Variants in SLC9A1 observed in about 807,000 individuals in gnomAD.
SLC9A1 encodes the protein sodium/hydrogen exchanger 1.
A neutral mutation model predicts 67.9 loss-of-function variants in SLC9A1; 22 were observed. The ratio of observed to expected loss-of-function variants is 0.32; its 90% CI spans 0.23 to 0.46. The LOEUF (loss-of-function observed/expected upper bound fraction) is 0.46, where lower values mean the gene tolerates loss of function less well. Ranked by LOEUF, SLC9A1 falls within the 20% of genes least tolerant of loss-of-function variation. SLC9A1 has a pLI of 1.00. For missense variants in SLC9A1, 686 were observed against 1,094.8 expected (o/e 0.63, Z 5.27); for synonymous variants, 421 against 471.8 (o/e 0.89, Z 1.40).
intron 1 of SLC9A1, among the ~76,000 whole-genome samples, chr1:27,130,945 C>T (rs1557427765): frequency 6.6e-6 from 1 of 152,248 alleles, no homozygotes; most frequent in Non-Finnish European, 1.5e-5. Context: ...TGCCTGCCTA[C>T]TTGTCTGCCA....
chr1:27,134,159 A>G (rs1455747042), intron 1 of SLC9A1, among the ~76,000 whole-genome samples: 3 of 152,120 alleles, frequency 2.0e-5, no homozygotes, highest in Non-Finnish European at 2.9e-5. Flanking sequence ...GCCCAGAGAG[A>G]GTGAGAACCC....
intron 1 of SLC9A1, among the ~76,000 whole-genome samples, chr1:27,124,451 A>G (rs1471855881): frequency 6.6e-6 from 1 of 152,206 alleles, no homozygotes; most frequent in African/African-American, 2.4e-5. Flanking sequence ...ATCTCATCCT[A>G]CTTGGCTACA....
rs28457865 is a variant in SLC9A1 at position 27,153,973 on chromosome 1, C to A, written c.352+10G>T. On this transcript the variant is annotated intron_variant, in intron 1 of 11. Transcript: ENST00000263980. ...GTGGCGGCCGCAGCATCGGAGCAAA[C>A]GGGACTTACCTATCTTCATGAGGCA... 2.0e-6 allele frequency: 3 copies of A among 1,527,132 alleles called. No homozygotes were observed. Among genetic ancestry groups the A allele is most frequent in the Non-Finnish European group, 2.7e-6 (3 of 1,128,238 alleles). 94.6% of individuals were successfully genotyped at this position (1,527,132 alleles called of 1,614,324 possible).
chr1:27,107,957 G>A, intron 3 of SLC9A1, 92 bp from the exon 4 acceptor site: 1 of 922,208 alleles, frequency 1.1e-6, no homozygotes, highest in South Asian at 1.5e-5. Context: ...CACGACCAAG[G>A]TGCCCATGTC....
At chr1:27,147,469 C>A (rs1041032162) in intron 1 of SLC9A1, among the ~76,000 whole-genome samples, 1 of 151,314 alleles carries the variant, frequency 6.6e-6, no homozygotes, top group Non-Finnish European at 1.5e-5. Context: ...CCAGCCTGGG[C>A]GACAGAGTGA....
chr1:27,146,481 T>C (rs1165564040), intron 1 of SLC9A1, among the ~76,000 whole-genome samples: 1 of 152,188 alleles, frequency 6.6e-6, no homozygotes, highest in East Asian at 1.9e-4. Context: ...AAATTGAATT[T>C]CTAAACTGAA....
Position 27,100,088 on chromosome 1 carries a change from T to C in SLC9A1, c.*219A>G, listed in dbSNP as rs1480711219. ...CCGGCCTCACCAGCCCCAGCAGTTC[T>C]GCCAAATGGATTGGGGAGGCAGCTC... On this transcript the variant is annotated 3_prime_UTR_variant, in exon 12 of 12. Transcript: ENST00000263980. The surrounding 1 kb of genome is among the most constrained non-coding windows in gnomAD (Gnocchi z 5.6). 6.6e-6 allele frequency: 3 copies of C among 455,126 alleles called. No homozygotes were observed. Among genetic ancestry groups the C allele is most frequent in the Non-Finnish European group, 1.2e-5 (3 of 259,604 alleles). The allele number at this position is 455,126 out of a possible 1,614,324, so 28.2% of individuals were successfully genotyped here.
chr1:27,125,237 CTTTTTTTTTT>C (rs71010327), intron 1 of SLC9A1, among the ~76,000 whole-genome samples: 31 of 86,872 alleles, frequency 3.6e-4, no homozygotes, highest in Admixed American at 1.1e-3. Flanking sequence ...CCTTTTCTTT[CTTTTTTTTTT>C]TTTTTTTTTT....
At position 27,106,028 on chromosome 1, in the gene SLC9A1, C is replaced by T; in HGVS notation, c.1342G>A (p.Asp448Asn). The T allele has an allele frequency of 1.2e-6, 2 of 1,613,628 alleles. No homozygotes were observed. The highest frequency in any genetic ancestry group is 2.2e-5 in the East Asian group (1 of 44,882). The change falls in exon 5 of 12, where the codon GAC (aspartate) becomes AAC (asparagine). Residue 448 changes from aspartate to asparagine, a missense_variant. Around this residue, in one of 7 missense-constraint regions of SLC9A1, gnomAD observed 168 missense variants for 375.4 expected, o/e 0.45. Transcript: ENST00000263980. This position sits in a 1 kb window ranked among gnomAD's most constrained non-coding sequence, Gnocchi z 4.3. The part of the protein sequence containing the change: ...KFRIVKLTPK[D>N]QFIIAYGGLR... ...CCCCCATAGGCGATGATGAACTGGT[C>T]CTTGGGGGTCAGCTTCACGATACGG...
Position 27,102,756 on chromosome 1 carries a change from C to G in SLC9A1, c.1576-13G>C. The G allele has an allele frequency of 6.2e-7, 1 of 1,612,664 alleles. No homozygotes were observed. Among genetic ancestry groups the G allele is most frequent in the African/African-American group, 1.3e-5 (1 of 75,022 alleles). On this transcript the variant is annotated splice_polypyrimidine_tract_variant and intron_variant, in intron 6 of 11. Transcript: ENST00000263980. Reference sequence around the variant, plus strand: ...GGTGGTCCAGGAACTGAAAGGGGCCCAGGGCCAAGTCAAGCCTCGCTGTGG... The same window carrying G: ...GGTGGTCCAGGAACTGAAAGGGGCCGAGGGCCAAGTCAAGCCTCGCTGTGG...
At chr1:27,138,907 G>A (rs925869433) in intron 1 of SLC9A1, among the ~76,000 whole-genome samples, 13 of 152,132 alleles carry the variant, frequency 8.5e-5, no homozygotes, top group African/African-American at 2.9e-4. Flanking sequence ...CTGCTCTGGG[G>A]AGAGCTGCCT....
chr1:27,100,481 G>GTCGTCC lies in SLC9A1; in HGVS notation c.2268_2273dup (p.Glu756_Asp757dup), dbSNP rs1485396309. The GTCGTCC allele has an allele frequency of 1.9e-6, 3 of 1,614,092 alleles. No homozygotes were observed. Among genetic ancestry groups the GTCGTCC allele is most frequent in the Non-Finnish European group, 2.5e-6 (3 of 1,179,960 alleles). On this transcript the variant is annotated inframe_insertion, in exon 12 of 12. Transcript: ENST00000263980. This position sits in a 1 kb window ranked among gnomAD's most constrained non-coding sequence, Gnocchi z 5.6. ...TGCTCCGCATCATGATGCCCCCATC[G>GTCGTCC]TCGTCCTCGTCCTCCTCAGCCACCT...
Position 27,114,290 on chromosome 1 carries a change from C to T in SLC9A1, c.353-4G>A, listed in dbSNP as rs769523700. ...ATAGTGGGGATCACATGGAAACCTG[C>T]GGAGGGCGAGAGAACGGGAGGCCAT... On this transcript the variant is annotated splice_polypyrimidine_tract_variant and splice_region_variant and intron_variant, in intron 1 of 11. Transcript: ENST00000263980. This position sits in a 1 kb window ranked among gnomAD's most constrained non-coding sequence, Gnocchi z 5.4. The T allele has an allele frequency of 4.4e-6, 7 of 1,602,158 alleles. No individual in the cohort carries two copies. Among genetic ancestry groups the T allele is most frequent in the African/African-American group, 1.3e-5 (1 of 74,764 alleles).
chr1:27,138,891 C>T (rs1403753812), intron 1 of SLC9A1, among the ~76,000 whole-genome samples: 1 of 152,156 alleles, frequency 6.6e-6, no homozygotes, highest in East Asian at 1.9e-4. Flanking sequence ...TCAAAGCTCC[C>T]TGCGGCTGCT....
intron 8 of SLC9A1, 59 bp from the exon 9 acceptor site, chr1:27,102,189 G>T: frequency 6.7e-7 from 1 of 1,488,702 alleles, no homozygotes; most frequent in Non-Finnish European, 9.4e-7. Context: ...GTGCCTCCCA[G>T]GTTTGGCCAG....
At chr1:27,145,126 C>T (rs766920380) in intron 1 of SLC9A1, among the ~76,000 whole-genome samples, 3 of 151,214 alleles carry the variant, frequency 2.0e-5, no homozygotes, top group Non-Finnish European at 4.4e-5. Context: ...CCTCAAGAGG[C>T]TTACATTCTT....
At position 27,106,626 on chromosome 1, in the gene SLC9A1, G is replaced by T. The variant is rs2083186613; in HGVS notation, c.1283-539C>A. 6.6e-6 allele frequency among the ~76,000 whole-genome samples: 1 copy of T among 152,120 alleles called. No individual in the cohort carries two copies. Among genetic ancestry groups the T allele is most frequent in the Non-Finnish European group, 1.5e-5 (1 of 68,004 alleles). On this transcript the variant is annotated intron_variant, in intron 4 of 11. Coordinates refer to ENST00000263980, the MANE Select transcript of SLC9A1 (RefSeq NM_003047.5). The surrounding 1 kb of genome is among the most constrained non-coding windows in gnomAD (Gnocchi z 4.3). ...GGGACATGGACCTAACCCTCAGAGA[G>T]GAAGTGAGAGATCCAGGGAGGAGGC...
chr1:27,143,046 T>TAAAAAAAAAAAAAA (rs55970751), intron 1 of SLC9A1, among the ~76,000 whole-genome samples: 1 of 98,462 alleles, frequency 1.0e-5, no homozygotes, highest in Non-Finnish European at 2.0e-5. Context: ...ATCAACTGTG[T>TAAAAAAAAAAAAAA]AAAAAAAAAA....
At chr1:27,141,045 T>C (rs1349518947) in intron 1 of SLC9A1, among the ~76,000 whole-genome samples, 6 of 151,916 alleles carry the variant, frequency 3.9e-5, no homozygotes, top group Non-Finnish European at 8.8e-5. Flanking sequence ...CCATCTCTAC[T>C]AAAAATACAA....
Sources: gnomAD v4.1 joint callset for allele counts (sites outside exome capture counted in the v4.1 genomes callset) on GRCh38, gnomAD v4.1.1 for gene constraint, gnomAD v4.1.1 regional missense constraint, Gnocchi (gnomAD v3.1) non-coding constraint, MANE v1.5 for transcripts, NCBI Gene and HGNC (gene_info 2026-07-23, HGNC 2026-07-21) for gene names.